NEXMIF: variants seen among roughly 807,000 people sequenced by gnomAD.
The protein encoded by NEXMIF is neurite extension and migration factor, also known as XLMR protein related to neurite extension.
In NEXMIF, 8 loss-of-function variants were observed where a neutral mutation model predicts 62.1. The observed-to-expected ratio is 0.13, with a 90% CI of 0.08 to 0.23. The LOEUF is 0.23. Ranked by LOEUF, NEXMIF falls within the 10% of genes least tolerant of loss-of-function variation. The pLI, the probability that NEXMIF is intolerant of heterozygous loss-of-function variation, is 1.00. For missense variants in NEXMIF, 976 were observed against 1,113.3 expected (o/e 0.88, Z 1.75); for synonymous variants, 404 against 416.6 (o/e 0.97, Z 0.37).
At chrX:74,891,193 G>A (rs2147365229) in intron 1 of NEXMIF, among the ~76,000 whole-genome samples, 1 of 111,579 alleles carries the variant, frequency 9.0e-6, no homozygotes, top group East Asian at 2.8e-4. Flanking sequence ...CCTCTCCTGT[G>A]TGAACACACA....
At chrX:74,839,037 C>A (rs979342605) in intron 1 of NEXMIF, among the ~76,000 whole-genome samples, 6 of 111,492 alleles carry the variant, frequency 5.4e-5, no homozygotes, top group Non-Finnish European at 1.1e-4. Flanking sequence ...AAAATAATTA[C>A]CCTGGAAAAG....
chrX:74,742,634 G>C lies in NEXMIF; in HGVS notation c.1923C>G (p.Ile641Met), dbSNP rs866846964. 3.3e-6 allele frequency: 4 copies of C among 1,211,273 alleles called. No homozygotes were observed. The highest frequency in any genetic ancestry group is 3.4e-6 in the Non-Finnish European group (3 of 895,264). ...KLGNRHRIQR[I>M]PSIEISASSK... The stretch of plus-strand genomic sequence containing the variant: ...TACTTGCTGAAATTTCAATGGATGG[G>C]ATTCTTTGAATCCTGTGCCTGTTGC... Residue 641 changes from isoleucine (I) to methionine (M), a missense_variant, in exon 3 of 4, where the codon ATC (isoleucine) becomes ATG (methionine). Physicochemically the swap from Ile to Met is conservative, Grantham distance 10 (BLOSUM62 1). Coordinates refer to ENST00000055682, the MANE Select transcript of NEXMIF (RefSeq NM_001008537.3).
intron 1 of NEXMIF, among the ~76,000 whole-genome samples, chrX:74,768,581 T>C (rs757285588): frequency 2.7e-4 from 30 of 112,349 alleles, no homozygotes; most frequent in African/African-American, 9.7e-4. Flanking sequence ...GCTCAACATG[T>C]AGACTGATAG....
At chrX:74,796,994 T>A (rs775163063) in intron 1 of NEXMIF, among the ~76,000 whole-genome samples, 16 of 112,014 alleles carry the variant, frequency 1.4e-4, no homozygotes, top group African/African-American at 5.2e-4. Flanking sequence ...TTAGTAGTGA[T>A]GTCTTGTTAA....
intron 1 of NEXMIF, among the ~76,000 whole-genome samples, chrX:74,792,398 T>C (rs1406816504): frequency 2.9e-5 from 3 of 105,107 alleles, no homozygotes; most frequent in Admixed American, 1.0e-4. Context: ...CTTCCAAGTA[T>C]GTGGTCAATT....
chrX:74,748,774 G>A (rs147371451), intron 1 of NEXMIF, among the ~76,000 whole-genome samples: 93 of 111,515 alleles, frequency 8.3e-4, no homozygotes, highest in Admixed American at 7.6e-3. Context: ...CTTCCCCAGC[G>A]GCCTTGAAGT....
At chrX:74,753,915 G>T (rs754900979) in intron 1 of NEXMIF, among the ~76,000 whole-genome samples, 9 of 112,116 alleles carry the variant, frequency 8.0e-5, no homozygotes, top group South Asian at 7.4e-4. Flanking sequence ...TGAAATTTTG[G>T]GGGGAGAATA....
intron 1 of NEXMIF, among the ~76,000 whole-genome samples, chrX:74,878,081 C>A (rs934227278): frequency 6.4e-4 from 71 of 111,258 alleles, no homozygotes; most frequent in Admixed American, 2.1e-3. Context: ...TTTAGAGTTT[C>A]CAGTTTTTCT....
chrX:74,879,179 G>A (rs987660822), intron 1 of NEXMIF, among the ~76,000 whole-genome samples: 2 of 112,195 alleles, frequency 1.8e-5, no homozygotes, highest in Non-Finnish European at 3.8e-5. Flanking sequence ...ATCTACGTTT[G>A]TGTAAGTACA....
At chrX:74,880,087 C>A (rs932236570) in intron 1 of NEXMIF, among the ~76,000 whole-genome samples, 1 of 112,173 alleles carries the variant, frequency 8.9e-6, no homozygotes, top group Non-Finnish European at 1.9e-5. Flanking sequence ...CTCAACCATA[C>A]CTCCTGACCT....
intron 1 of NEXMIF, among the ~76,000 whole-genome samples, chrX:74,872,637 A>G (rs2080606850): frequency 9.1e-6 from 1 of 109,822 alleles, no homozygotes; most frequent in Non-Finnish European, 1.9e-5. Flanking sequence ...ACTATATTTA[A>G]ATGTACATAA....
At chrX:74,814,565 C>A (rs2080370084) in intron 1 of NEXMIF, among the ~76,000 whole-genome samples, 2 of 111,826 alleles carry the variant, frequency 1.8e-5, no homozygotes, top group Non-Finnish European at 3.8e-5. Context: ...TGGTCCCTAT[C>A]CCTGGGGAAT....
chrX:74,798,476 G>T (rs1180543977), intron 1 of NEXMIF, among the ~76,000 whole-genome samples: 1 of 112,124 alleles, frequency 8.9e-6, no homozygotes, highest in Non-Finnish European at 1.9e-5. Flanking sequence ...TGCCAAAGGG[G>T]CTTTTTGCAG....
At chrX:74,874,988 C>T (rs1242104709) in intron 1 of NEXMIF, among the ~76,000 whole-genome samples, 2 of 110,958 alleles carry the variant, frequency 1.8e-5, no homozygotes, top group East Asian at 5.7e-4. Flanking sequence ...ATTTTATTTC[C>T]TTCTCCTGCC....
rs1319474946 is a variant in NEXMIF at position 74,734,474 on chromosome X, A to T, written c.*4931T>A. The T allele has an allele frequency of 8.9e-6, 1 of 112,183 alleles. No homozygotes were observed. The highest frequency in any genetic ancestry group is 3.2e-5 in the African/African-American group (1 of 30,847). 9.2% of individuals were successfully genotyped at this position (112,183 alleles called of 1,213,427 possible). On this transcript the variant is annotated 3_prime_UTR_variant, in exon 4 of 4. Coordinates refer to ENST00000055682, the MANE Select transcript of NEXMIF (RefSeq NM_001008537.3). ...TTCTAAGCCTTTTTTTGTGCTGTAA[A>T]TAACCAGTCATCTCTCAAACAGGCA...
chrX:74,796,273 T>TAC (rs1252578596), intron 1 of NEXMIF, among the ~76,000 whole-genome samples: 32 of 20,489 alleles, frequency 1.6e-3, no homozygotes, highest in African/African-American at 2.6e-3. Flanking sequence ...ATTATATATA[T>TAC]ACATATATAT....
At chrX:74,798,868 G>T (rs2080320397) in intron 1 of NEXMIF, among the ~76,000 whole-genome samples, 1 of 108,404 alleles carries the variant, frequency 9.2e-6, no homozygotes, top group African/African-American at 3.4e-5. Flanking sequence ...AAAGGGTAAA[G>T]AGAAGGGGAA....
In NEXMIF at chrX:74,742,118, C is replaced by A; in HGVS notation, c.2439G>T (p.Gly813=). The A allele has an allele frequency of 1.7e-6, 2 of 1,210,038 alleles. No individual in the cohort carries two copies. Among genetic ancestry groups the A allele is most frequent in the Non-Finnish European group, 2.2e-6 (2 of 894,072 alleles). Residue 813 remains glycine (G), a synonymous_variant, in exon 3 of 4, where the codon GGG becomes GGT. Transcript: ENST00000055682. ...VTTNIPVIPG[G]YLQTLLDASD... ...AAGCATCTAACAATGTCTGCAGATA[C>A]CCTCCCGGGATAACAGGTATATTAG...
intron 1 of NEXMIF, among the ~76,000 whole-genome samples, chrX:74,886,900 T>C (rs1442062572): frequency 9.3e-6 from 1 of 107,328 alleles, no homozygotes; most frequent in Non-Finnish European, 1.9e-5. Context: ...CTTCAAACTA[T>C]ACTACAAGGC....
Sources: allele counts gnomAD v4.1 joint callset (sites outside exome capture counted in the v4.1 genomes callset), GRCh38; gene constraint gnomAD v4.1.1; transcripts MANE v1.5; gene names NCBI Gene and HGNC (gene_info 2026-07-23, HGNC 2026-07-21).